LRRFIP1: variants seen among roughly 807,000 people sequenced by gnomAD.
The protein encoded by LRRFIP1 is leucine-rich repeat flightless-interacting protein 1.
In LRRFIP1, 62 loss-of-function variants were observed where a neutral mutation model predicts 104.4. That is an observed-to-expected ratio of 0.59 (90% CI 0.48 to 0.73). The LOEUF is 0.73. LRRFIP1 is among the 30% of genes least tolerant of loss of function. The pLI is 0.00. For missense variants in LRRFIP1, 796 were observed against 824.5 expected, an observed-to-expected ratio of 0.97 and a Z score of 0.42; for synonymous variants, 300 against 299.0, an observed-to-expected ratio of 1.00 and a Z score of -0.03.
At position 237,735,402 on chromosome 2, in the gene LRRFIP1, A is replaced by G; in HGVS notation, c.555+69A>G. ...CATGGCCTGGGGATGCTCGCTGGGCAGGGTCCAGCCGTGGGGGGTGACTGG... is the reference window on the plus strand; with the variant it reads ...CATGGCCTGGGGATGCTCGCTGGGCGGGGTCCAGCCGTGGGGGGTGACTGG... On this transcript the variant is annotated intron_variant, in intron 10 of 23. Coordinates refer to ENST00000308482, the MANE Select transcript of LRRFIP1 (RefSeq NM_001137550.2). The surrounding 1 kb of genome is among the most constrained non-coding windows in gnomAD (Gnocchi z 4.6). 1 of 1,482,314 alleles carries G rather than the reference A, an allele frequency of 6.7e-7. No homozygotes were observed. Among genetic ancestry groups the G allele is most frequent in the South Asian group, 1.2e-5 (1 of 82,644 alleles). 91.8% of individuals were successfully genotyped at this position (1,482,314 alleles called of 1,614,324 possible).
chr2:237,705,021 AC>A (rs1460549050), intron 1 of LRRFIP1, among the ~76,000 whole-genome samples: 4 of 152,152 alleles, frequency 2.6e-5, no homozygotes, highest in African/African-American at 7.2e-5. Context: ...TGGAGGGCAG[AC>A]CCCCGAGAGC....
At chr2:237,720,231 G>GA (rs2094491951) in intron 5 of LRRFIP1, among the ~76,000 whole-genome samples, 1 of 140,758 alleles carries the variant, frequency 7.1e-6, no homozygotes, top group Non-Finnish European at 1.5e-5. Flanking sequence ...ACAGGCATGA[G>GA]CCACCGTGCC....
intron 19 of LRRFIP1, chr2:237,762,884 A>C (rs750573602): frequency 6.2e-7 from 1 of 1,614,186 alleles, no homozygotes; most frequent in South Asian, 1.1e-5. Flanking sequence ...GGTTGAGTCA[A>C]ATGAGGTCAT....
At chr2:237,689,697 G>T (rs1417948531) in intron 1 of LRRFIP1, among the ~76,000 whole-genome samples, 1 of 152,194 alleles carries the variant, frequency 6.6e-6, no homozygotes, top group Non-Finnish European at 1.5e-5. Flanking sequence ...CTGGTGCCCA[G>T]CTTCCTTCCT....
intron 1 of LRRFIP1, among the ~76,000 whole-genome samples, chr2:237,660,366 A>T (rs2087657423): frequency 6.6e-6 from 1 of 152,182 alleles, no homozygotes; most frequent in Admixed American, 6.5e-5. Context: ...CTCACTGCGT[A>T]GTGTAGATAT....
At chr2:237,739,773 C>G (rs1005806133) in intron 11 of LRRFIP1, among the ~76,000 whole-genome samples, 5 of 152,066 alleles carry the variant, frequency 3.3e-5, no homozygotes, top group Non-Finnish European at 5.9e-5. Context: ...CAGCGTGGCC[C>G]AAGTTTTGTT....
At chr2:237,637,494 A>G (rs946197487) in intron 1 of LRRFIP1, among the ~76,000 whole-genome samples, 7 of 152,230 alleles carry the variant, frequency 4.6e-5, no homozygotes, top group African/African-American at 7.2e-5. Flanking sequence ...GAAGACAAAA[A>G]GCAAAGGAAT....
rs566436690 is a variant in LRRFIP1 at position 237,733,944 on chromosome 2, A to G, written c.489+126A>G. 238 of 961,442 alleles carry G rather than the reference A, an allele frequency of 2.5e-4. No homozygotes were observed. The African/African-American group carries it at 3.6e-3, about 14-fold the overall frequency. 59.6% of individuals were successfully genotyped at this position (961,442 alleles called of 1,614,324 possible). A position where few individuals can be genotyped will look rare whatever the true frequency, so the allele number is the denominator to read the frequency against. On this transcript the variant is annotated intron_variant, in intron 9 of 23. Coordinates refer to ENST00000308482, the MANE Select transcript of LRRFIP1 (RefSeq NM_001137550.2). The stretch of plus-strand genomic sequence containing the variant: ...TGGGGGAAGTTGCACCTTCACGTGG[A>G]GCTTACATGTGCCAGTGGGGAATGT...
rs1240388775 is a variant in LRRFIP1, at chr2:237,774,396, A to G, written c.1746A>G (p.Ser582=). Residue 582 remains serine (S), a synonymous_variant, in exon 23 of 24, where the codon TCA becomes TCG. Coordinates refer to ENST00000308482, the MANE Select transcript of LRRFIP1 (RefSeq NM_001137550.2). ...RLESQVSRYK[S]AAENAEKIED... ...AGAGTCAAGTATCACGTTACAAATC[A>G]GCGGCTGAAAATGCAGAAAAAATAG... 5.6e-6 allele frequency: 9 copies of G among 1,613,762 alleles called. No individual in the cohort carries two copies. The highest frequency in any genetic ancestry group is 7.6e-6 in the Non-Finnish European group (9 of 1,179,792).
intron 1 of LRRFIP1, among the ~76,000 whole-genome samples, chr2:237,632,183 C>A (rs902321612): frequency 1.3e-5 from 2 of 150,388 alleles, no homozygotes; most frequent in Non-Finnish European, 1.5e-5. Context: ...CCCAAGGAGT[C>A]CAGTTGTGGA....
At chr2:237,656,528 C>T (rs927872597) in intron 1 of LRRFIP1, among the ~76,000 whole-genome samples, 3 of 152,194 alleles carry the variant, frequency 2.0e-5, no homozygotes, top group African/African-American at 7.2e-5. Context: ...AGCAGTGGTT[C>T]TTGGCTGTGG....
At chr2:237,692,284 G>C (rs1406815061) in intron 1 of LRRFIP1, 1 of 1,181,788 alleles carries the variant, frequency 8.5e-7, no homozygotes, top group Non-Finnish European at 1.1e-6. Context: ...CCAGCGCCGC[G>C]AGCCGCTCCC....
intron 19 of LRRFIP1, chr2:237,763,800 T>A: frequency 6.2e-7 from 1 of 1,614,100 alleles, no homozygotes. Flanking sequence ...GGTGAAGAAT[T>A]AGATGAAGGT....
chr2:237,690,033 G>T (rs538819701), intron 1 of LRRFIP1, among the ~76,000 whole-genome samples: 14 of 152,302 alleles, frequency 9.2e-5, no homozygotes, highest in Non-Finnish European at 1.5e-4. Flanking sequence ...ACTGAACGAG[G>T]TGGCTTAATT....
intron 1 of LRRFIP1, among the ~76,000 whole-genome samples, chr2:237,630,447 A>G (rs2082180046): frequency 1.3e-5 from 2 of 152,232 alleles, no homozygotes; most frequent in African/African-American, 4.8e-5. Flanking sequence ...GAGTTGGGTC[A>G]GAAAGGGGTT....
At chr2:237,671,547 G>A (rs530998641) in intron 1 of LRRFIP1, among the ~76,000 whole-genome samples, 3 of 152,298 alleles carry the variant, frequency 2.0e-5, no homozygotes, top group South Asian at 4.1e-4. Context: ...AAAGGGAACT[G>A]TGGTAGGATG....
intron 7 of LRRFIP1, among the ~76,000 whole-genome samples, chr2:237,724,585 T>C (rs1003205504): frequency 6.6e-6 from 1 of 152,162 alleles, no homozygotes; most frequent in African/African-American, 2.4e-5. Context: ...AGAGTATCTG[T>C]TACTTACCTA....
Position 237,781,540 on chromosome 2 carries a change from T to C in LRRFIP1, c.*2008T>C, listed in dbSNP as rs143191270. On this transcript the variant is annotated 3_prime_UTR_variant, in exon 24 of 24. Transcript: ENST00000308482. ...GTCTCTACCTCTCCCACCAATTCTT[T>C]TGGAAACAGCAAACCAATGTTACAC... 2.2e-4 allele frequency among the ~76,000 whole-genome samples: 34 copies of C among 152,286 alleles called. No individual in the cohort carries two copies. Among genetic ancestry groups the C allele is most frequent in the African/African-American group, 7.5e-4 (31 of 41,554 alleles).
At chr2:237,659,562 T>C (rs2149450856) in intron 1 of LRRFIP1, among the ~76,000 whole-genome samples, 1 of 148,350 alleles carries the variant, frequency 6.7e-6, no homozygotes, top group Non-Finnish European at 1.5e-5. Flanking sequence ...CCAAAAAAAC[T>C]ATATATAATT....
Sources: allele counts gnomAD v4.1 joint callset (sites outside exome capture counted in the v4.1 genomes callset), GRCh38; gene constraint gnomAD v4.1.1; non-coding constraint Gnocchi (gnomAD v3.1); transcripts MANE v1.5; gene names NCBI Gene and HGNC (gene_info 2026-07-23, HGNC 2026-07-21).